PUDP: variants seen among roughly 807,000 people sequenced by gnomAD.
The protein encoded by PUDP is pseudouridine-5'-phosphatase.
Under a neutral mutation model 9.4 loss-of-function variants are expected in PUDP, and 8 were observed. The ratio of observed to expected loss-of-function variants is 0.85; its 90% CI spans 0.50 to 1.53. The LOEUF is 1.53. PUDP is among the 40% of genes most tolerant of loss of function. The probability of loss-of-function intolerance (pLI) is 0.00; values close to 1 mark genes in which losing one functional copy is unlikely to be tolerated. For missense variants in PUDP, 188 were observed against 189.7 expected, an observed-to-expected ratio of 0.99 and a Z score of 0.05; for synonymous variants, 99 against 80.7, an observed-to-expected ratio of 1.23 and a Z score of -1.22.
intron 3 of PUDP, among the ~76,000 whole-genome samples, chrX:6,947,651 GT>G (rs1602685777): frequency 9.0e-6 from 1 of 111,109 alleles, no homozygotes; most frequent in Non-Finnish European, 1.9e-5. Flanking sequence ...AATTAGCCAG[GT>G]ATGGTGGCAC....
chrX:6,707,789 G>T (rs891059780), intron 1 of PUDP, among the ~76,000 whole-genome samples: 39 of 112,074 alleles, frequency 3.5e-4, no homozygotes, highest in Non-Finnish European at 6.4e-4. Context: ...GCTGGGGCTT[G>T]GGCATCCCTG....
intron 3 of PUDP, among the ~76,000 whole-genome samples, chrX:6,933,480 T>A (rs2146771496): frequency 9.1e-6 from 1 of 109,668 alleles, no homozygotes; most frequent in African/African-American, 3.3e-5. Context: ...CAAAAACCCA[T>A]CTGTACATCA....
At chrX:6,869,569 G>A (rs1927141752) in intron 3 of PUDP, among the ~76,000 whole-genome samples, 1 of 111,600 alleles carries the variant, frequency 9.0e-6, no homozygotes, top group Admixed American at 9.6e-5. Flanking sequence ...AGCAGTGACT[G>A]TGTCAGCAAA....
Position 7,077,295 on chromosome X carries a change from C to A in PUDP, c.435G>T (p.Val145=), listed in dbSNP as rs1180175732. The A allele has an allele frequency of 8.3e-7, 1 of 1,207,389 alleles. No homozygotes were observed. Among genetic ancestry groups the A allele is most frequent in the Admixed American group, 2.2e-5 (1 of 45,402 alleles). Reference sequence around the variant, plus strand: ...TGTCCGGGTCTGGCTTGCCATGCTGCACTTCGGGGTCATCTCCCAGCACAA... The same window carrying A: ...TGTCCGGGTCTGGCTTGCCATGCTGAACTTCGGGGTCATCTCCCAGCACAA... The part of the protein sequence containing the change: ...SHIVLGDDPE[V]QHGKPDPDIF... The change falls in exon 3 of 4, where the codon GTG becomes GTT. Residue 145 remains valine, a synonymous_variant. Coordinates refer to ENST00000381077, the MANE Select transcript of PUDP (RefSeq NM_012080.5).
intron 3 of PUDP, among the ~76,000 whole-genome samples, chrX:6,893,522 G>C (rs1927545656): frequency 9.0e-6 from 1 of 111,697 alleles, no homozygotes; most frequent in Non-Finnish European, 1.9e-5. Context: ...GCAAATGTCT[G>C]CAAGGGCCAG....
chrX:6,937,149 A>G (rs1174938202), intron 3 of PUDP, among the ~76,000 whole-genome samples: 2 of 91,150 alleles, frequency 2.2e-5, no homozygotes. Context: ...TTCATATGGA[A>G]CCAAAAAAGA....
intron 3 of PUDP, among the ~76,000 whole-genome samples, chrX:6,887,457 A>G (rs1344902640): frequency 1.8e-5 from 2 of 110,336 alleles, no homozygotes; most frequent in East Asian, 5.7e-4. Context: ...CTGGCGAAAC[A>G]TAAGACTCTC....
chrX:6,906,209 A>C, intron 3 of PUDP, among the ~76,000 whole-genome samples: 1 of 111,834 alleles, frequency 8.9e-6, no homozygotes, highest in Non-Finnish European at 1.9e-5. Context: ...GGATATCCAA[A>C]AAGCACCTGC....
At chrX:6,939,062 G>T (rs1928358495) in intron 3 of PUDP, among the ~76,000 whole-genome samples, 1 of 109,180 alleles carries the variant, frequency 9.2e-6, no homozygotes. Context: ...TTTATCTCTA[G>T]GTTTCATTCC....
chrX:6,974,441 A>G (rs1327949430), intron 3 of PUDP, among the ~76,000 whole-genome samples: 1 of 111,938 alleles, frequency 8.9e-6, no homozygotes, highest in Non-Finnish European at 1.9e-5. Context: ...GCTTGTCTGT[A>G]AAGGATTTTG....
At chrX:6,884,861 T>C (rs1927399971) in intron 3 of PUDP, among the ~76,000 whole-genome samples, 1 of 112,334 alleles carries the variant, frequency 8.9e-6, no homozygotes, top group Non-Finnish European at 1.9e-5. Flanking sequence ...TGAACATCTG[T>C]GCTGGGACGT....
At chrX:7,031,396 C>T (rs979870343) in intron 1 of PUDP, among the ~76,000 whole-genome samples, 2 of 111,570 alleles carry the variant, frequency 1.8e-5, no homozygotes, top group African/African-American at 6.5e-5. Flanking sequence ...TGACATGTAT[C>T]TCTGGGTATA....
chrX:6,918,760 C>G (rs768685030), intron 3 of PUDP, among the ~76,000 whole-genome samples: 6 of 112,102 alleles, frequency 5.4e-5, no homozygotes, highest in Non-Finnish European at 9.4e-5. Context: ...GTGAAAATGT[C>G]CATTCATGAG....
intron 3 of PUDP, among the ~76,000 whole-genome samples, chrX:6,741,260 A>G (rs1174581094): frequency 9.0e-6 from 1 of 111,490 alleles, no homozygotes; most frequent in East Asian, 2.8e-4. Context: ...GACAAATTCC[A>G]ACACAGTTTT....
chrX:7,129,295 G>T (rs1932560422), intron 1 of PUDP, among the ~76,000 whole-genome samples: 1 of 112,124 alleles, frequency 8.9e-6, no homozygotes. Context: ...ATGAGGTGTG[G>T]AGAGAAGGGG....
intron 1 of PUDP, among the ~76,000 whole-genome samples, chrX:7,118,204 A>G (rs1437348616): frequency 1.8e-5 from 2 of 112,224 alleles, no homozygotes; most frequent in African/African-American, 6.5e-5. Context: ...TCATGTATAT[A>G]TTTTCTTATC....
intron 3 of PUDP, among the ~76,000 whole-genome samples, chrX:6,752,308 G>C (rs749119142): frequency 2.7e-5 from 3 of 111,358 alleles, no homozygotes; most frequent in Non-Finnish European, 5.6e-5. Flanking sequence ...TTCTGAGTTA[G>C]ACTCTTTGCA....
intron 3 of PUDP, among the ~76,000 whole-genome samples, chrX:6,849,896 T>C (rs950176280): frequency 8.9e-6 from 1 of 112,402 alleles, no homozygotes; most frequent in African/African-American, 3.2e-5. Context: ...GCTTACATCA[T>C]TCTTTACAGT....
At position 6,742,447 on chromosome X, in the gene PUDP, CA is replaced by C. The variant is rs372308960; in HGVS notation, c.*248-35982del. 2.2e-4 allele frequency among the ~76,000 whole-genome samples: 25 copies of C among 112,331 alleles called. 1 individual carries two copies. In the South Asian group the frequency reaches 4.7e-3, roughly 21 times the overall value. ...GCAGAGACTGTGTGGTTCACAAAGC[CA>C]AAACATTTGCTATCTGGCCCTTTGT... On this transcript the variant is annotated intron_variant and NMD_transcript_variant, in intron 3 of 3. Coordinates refer to the PUDP transcript ENST00000655425.
Sources: gnomAD v4.1 joint callset for allele counts (sites outside exome capture counted in the v4.1 genomes callset) on GRCh38, gnomAD v4.1.1 for gene constraint, MANE v1.5 for transcripts, NCBI Gene and HGNC (gene_info 2026-07-23, HGNC 2026-07-21) for gene names.